The following ECM2 variants were observed in gnomAD, a reference collection of about 807,000 sequenced individuals.
The protein encoded by ECM2 is extracellular matrix protein 2, female organ and adipocyte specific.
Under a neutral mutation model 67.5 loss-of-function variants are expected in ECM2, and 57 were observed. The ratio of observed to expected loss-of-function variants is 0.84; its 90% CI spans 0.68 to 1.05. The LOEUF is 1.05. ECM2 is among the 50% of genes least tolerant of loss of function. The pLI is 0.00. For missense variants in ECM2, 741 were observed against 822.8 expected, an observed-to-expected ratio of 0.90 and a Z score of 1.22; for synonymous variants, 258 against 294.5, an observed-to-expected ratio of 0.88 and a Z score of 1.27.
intron 1 of ECM2, among the ~76,000 whole-genome samples, chr9:92,523,412 A>C (rs1563985225): frequency 6.6e-6 from 1 of 152,150 alleles, no homozygotes; most frequent in African/African-American, 2.4e-5. Flanking sequence ...TATGTTGGGG[A>C]CCAGCCTCAA....
intron 2 of ECM2, among the ~76,000 whole-genome samples, chr9:92,519,487 G>A (rs568757423): frequency 3.9e-5 from 6 of 152,168 alleles, no homozygotes; most frequent in Non-Finnish European, 8.8e-5. Context: ...TAGGCCAATG[G>A]AACACTGAAA....
intron 1 of ECM2, among the ~76,000 whole-genome samples, chr9:92,531,494 GATTTTTCATCCTCATCACT>G (rs1848747662): frequency 6.6e-6 from 1 of 152,106 alleles, no homozygotes; most frequent in East Asian, 1.9e-4. Context: ...ATTTAGATCA[GATTTTTCATCCTCATCACT>G]ATTAACGTTT....
upstream of ECM2, among the ~76,000 whole-genome samples, chr9:92,538,749 A>C (rs761405391): frequency 3.9e-5 from 6 of 152,170 alleles, no homozygotes; most frequent in Non-Finnish European, 5.9e-5. Flanking sequence ...TTATGTCCCA[A>C]AACTTGGTTC....
chr9:92,502,675 T>C (rs1846753506), intron 7 of ECM2, 23 bp from the exon 8 acceptor site: 2 of 1,513,990 alleles, frequency 1.3e-6, no homozygotes, highest in Non-Finnish European at 1.8e-6. Context: ...GAGAAGACTA[T>C]TATTTTTCTT....
rs745507937 is a variant in ECM2 at position 92,514,821 on chromosome 9, GTCCTCCTCA to G, written c.855_863del (p.Glu289_Asp291del). On this transcript the variant is annotated inframe_deletion, in exon 4 of 10. Transcript: ENST00000344604. ...TATCTCCTCTTACCGGGTCCTCCTC[GTCCTCCTCA>G]TCCTCCTCACCCTCCTCACCCTCCT... 355 of 1,612,454 alleles carry G rather than the reference GTCCTCCTCA, an allele frequency of 2.2e-4. No individual in the cohort carries two copies. Among genetic ancestry groups the G allele is most frequent in the Non-Finnish European group, 3.0e-4 (348 of 1,179,394 alleles).
chr9:92,544,884 T>A, the ECM2 span, among the ~76,000 whole-genome samples: 1 of 151,432 alleles, frequency 6.6e-6, no homozygotes, highest in Non-Finnish European at 1.5e-5. Flanking sequence ...CCCAGCTAAA[T>A]TTTTTTTTGT....
At chr9:92,548,446 A>C in the ECM2 span, among the ~76,000 whole-genome samples, 1 of 152,222 alleles carries the variant, frequency 6.6e-6, no homozygotes, top group Non-Finnish European at 1.5e-5. Flanking sequence ...ACTTGCCAGG[A>C]TATTAAAGAT....
chr9:92,552,212 CACA>C, the ECM2 span, among the ~76,000 whole-genome samples: 7 of 150,622 alleles, frequency 4.6e-5, no homozygotes, highest in African/African-American at 1.2e-4. Flanking sequence ...CACACACACA[CACA>C]CCCCACAGTT....
chr9:92,537,104 G>T (rs2131302743), upstream of ECM2, among the ~76,000 whole-genome samples: 1 of 151,524 alleles, frequency 6.6e-6, no homozygotes, highest in East Asian at 2.0e-4. Context: ...TCGAACTCTT[G>T]ACCTCATGTG....
At chr9:92,527,682 C>T (rs924322413) in intron 1 of ECM2, among the ~76,000 whole-genome samples, 2 of 152,062 alleles carry the variant, frequency 1.3e-5, no homozygotes, top group Non-Finnish European at 2.9e-5. Flanking sequence ...GCCACAGTGT[C>T]TACCACCCAA....
intron 1 of ECM2, among the ~76,000 whole-genome samples, chr9:92,535,215 A>G (rs768781940): frequency 7.2e-5 from 11 of 152,208 alleles, no homozygotes; most frequent in Non-Finnish European, 1.5e-4. Flanking sequence ...GTCTCACTAC[A>G]GTGTTTAAAT....
the ECM2 span, among the ~76,000 whole-genome samples, chr9:92,550,693 T>C: frequency 6.6e-6 from 1 of 152,138 alleles, no homozygotes. Context: ...ACATATGATA[T>C]TCTAAATGTG....
At chr9:92,530,685 A>G (rs1035752585) in intron 1 of ECM2, among the ~76,000 whole-genome samples, 1 of 152,104 alleles carries the variant, frequency 6.6e-6, no homozygotes. Context: ...TCTAATATTA[A>G]TGTAGTTGCA....
At chr9:92,514,496 A>G in intron 4 of ECM2, 135 bp downstream of exon 4, 3 of 1,228,992 alleles carry the variant, frequency 2.4e-6, no homozygotes, top group Non-Finnish European at 3.3e-6. Flanking sequence ...GCTGGTCTCA[A>G]ACCCCTGACC....
chr9:92,502,563 A>G lies in ECM2; in HGVS notation c.1554T>C (p.Tyr518=). ...TRKINVIVLR[Y]NKIEENRIAP... is the part of the protein sequence containing the mutation. The stretch of plus-strand genomic sequence containing the variant: ...CAATCCTATTTTCTTCAATTTTGTT[A>G]TAACGTAGTACAATGACATTGATCT... Residue 518 remains tyrosine (Y), a synonymous_variant, in exon 8 of 10, where the codon TAT becomes TAC. Transcript: ENST00000344604. 2 of 1,612,586 alleles carry G rather than the reference A, an allele frequency of 1.2e-6. No individual in the cohort carries two copies. The highest frequency in any genetic ancestry group is 8.5e-7 in the Non-Finnish European group (1 of 1,179,160).
chr9:92,543,060 C>G, the ECM2 span, among the ~76,000 whole-genome samples: 1 of 152,200 alleles, frequency 6.6e-6, no homozygotes, highest in Non-Finnish European at 1.5e-5. Context: ...GCTCTCTATT[C>G]TGTTCCATTG....
chr9:92,525,594 T>TA (rs1848345385), intron 1 of ECM2, among the ~76,000 whole-genome samples: 2 of 152,256 alleles, frequency 1.3e-5, no homozygotes, highest in South Asian at 4.1e-4. Flanking sequence ...TCCAGTCATA[T>TA]AAAAATACAG....
Position 92,522,740 on chromosome 9 carries a change from T to C in ECM2, c.127A>G (p.Thr43Ala). 1 of 1,614,184 alleles carries C rather than the reference T, an allele frequency of 6.2e-7. No individual in the cohort carries two copies. Among genetic ancestry groups the C allele is most frequent in the South Asian group, 1.1e-5 (1 of 91,076 alleles). Residue 43 changes from threonine to alanine, a missense_variant, in exon 2 of 10, where the codon ACC (threonine) becomes GCC (alanine). By Grantham distance (58) the Thr-to-Ala change is moderately conservative. Transcript: ENST00000344604. ...CTGTTTGATCTGTGCTTGTGTGAGG[T>C]TGAACTTTTCCTCAACCTTCTGTGG... ...IYHRRLRKSS[T>A]SHKHRSNRQL...
At chr9:92,537,074 C>A (rs1849198415), upstream of ECM2, among the ~76,000 whole-genome samples, 1 of 151,514 alleles carries the variant, frequency 6.6e-6, no homozygotes, top group Admixed American at 6.6e-5. Context: ...TGGGGTTTCA[C>A]CATGTTGGCC....
Sources: allele counts gnomAD v4.1 joint callset (sites outside exome capture counted in the v4.1 genomes callset), GRCh38; gene constraint gnomAD v4.1.1; transcripts MANE v1.5; gene names NCBI Gene and HGNC (gene_info 2026-07-23, HGNC 2026-07-21).